Variants in DNAH14 observed in about 807,000 individuals in gnomAD.
DNAH14 encodes the protein dynein axonemal heavy chain 14.
Under a neutral mutation model 520.9 loss-of-function variants are expected in DNAH14, and 478 were observed. The observed-to-expected ratio is 0.92, with a 90% confidence interval of 0.85 to 0.99. DNAH14 has a LOEUF of 0.99. DNAH14 is among the 50% of genes least tolerant of loss of function. DNAH14 has a pLI of 0.00. For synonymous variants in DNAH14, 1,581 were observed against 1,757.2 expected, an observed-to-expected ratio of 0.90 and a Z score of 2.51; for missense variants, 4,831 against 5,234.5, an observed-to-expected ratio of 0.92 and a Z score of 2.38.
chr1:225,171,755 C>A (rs974819370), intron 36 of DNAH14, among the ~76,000 whole-genome samples: 2 of 152,160 alleles, frequency 1.3e-5, no homozygotes, highest in Non-Finnish European at 2.9e-5. Flanking sequence ...AGGGAATCCT[C>A]CCTAACTCAT....
intron 10 of DNAH14, 122 bp from the exon 11 acceptor site, chr1:225,023,493 T>C (rs967659624): frequency 1.4e-6 from 1 of 739,508 alleles, no homozygotes. Flanking sequence ...GCTTGAGGTA[T>C]TAAAATATCA....
intron 11 of DNAH14, among the ~76,000 whole-genome samples, chr1:225,033,022 T>C (rs1314328061): frequency 6.6e-6 from 1 of 152,182 alleles, no homozygotes; most frequent in East Asian, 1.9e-4. Flanking sequence ...CCCCATTATG[T>C]AGGTTGTCTG....
Position 225,051,528 on chromosome 1 carries a change from T to C in DNAH14, c.2157T>C (p.Cys719=). The change falls in exon 17 of 86, where the codon TGT becomes TGC. Residue 719 remains cysteine, a synonymous_variant. Coordinates refer to ENST00000682510, the MANE Select transcript of DNAH14 (RefSeq NM_001367479.1). ...ACAGCCACAAGTTTATAAAGTATTGTACCATGACAGAAAAGGCCAAAATCA... is the reference window on the plus strand; with the variant it reads ...ACAGCCACAAGTTTATAAAGTATTGCACCATGACAGAAAAGGCCAAAATCA... ...NAYSHKFIKY[C]TMTEKAKIMS... is the part of the protein sequence containing the mutation. The C allele has an allele frequency of 6.4e-7, 1 of 1,551,044 alleles. No individual in the cohort carries two copies. Among genetic ancestry groups the C allele is most frequent in the Non-Finnish European group, 8.7e-7 (1 of 1,146,684 alleles).
At chr1:225,344,757 C>A (rs1376638680) in intron 69 of DNAH14, among the ~76,000 whole-genome samples, 3 of 151,560 alleles carry the variant, frequency 2.0e-5, no homozygotes, top group African/African-American at 7.3e-5. Flanking sequence ...ACTCCATTGC[C>A]ACACTAGAGT....
intron 8 of DNAH14, among the ~76,000 whole-genome samples, chr1:224,985,383 A>G (rs376920650): frequency 2.0e-5 from 3 of 152,312 alleles, no homozygotes; most frequent in African/African-American, 7.2e-5. Context: ...TAAACATGGT[A>G]TGTTCTCACT....
chr1:225,340,536 GTAACA>G lies in DNAH14; in HGVS notation c.10515_10519del (p.Thr3506ProfsTer15), dbSNP rs1438844025. 1.3e-6 allele frequency: 2 copies of G among 1,551,248 alleles called. No homozygotes were observed. The highest frequency in any genetic ancestry group is 2.7e-5 in the African/African-American group (2 of 73,012). ...CTTTGTTACTATGATCAACTTCACT[GTAACA>G]TTCCAAGGTTTGCAAGATCAACTCT... is the stretch of plus-strand genomic sequence containing the variant. On this transcript the variant is annotated frameshift_variant, in exon 69 of 86. Transcript: ENST00000682510. LOFTEE classifies it high-confidence loss of function.
At chr1:224,977,238 A>G (rs1483446995) in intron 8 of DNAH14, among the ~76,000 whole-genome samples, 3 of 151,698 alleles carry the variant, frequency 2.0e-5, no homozygotes, top group Non-Finnish European at 4.4e-5. Flanking sequence ...TATCGCAAGA[A>G]CAGAAACCAA....
chr1:225,201,837 T>G (rs1211304384), intron 38 of DNAH14, among the ~76,000 whole-genome samples: 1 of 151,690 alleles, frequency 6.6e-6, no homozygotes, highest in Non-Finnish European at 1.5e-5. Context: ...TTTGTGCTTG[T>G]TGGCCTCCTG....
At chr1:225,121,189 T>C (rs1219097745) in intron 26 of DNAH14, among the ~76,000 whole-genome samples, 1 of 152,232 alleles carries the variant, frequency 6.6e-6, no homozygotes, top group African/African-American at 2.4e-5. Flanking sequence ...TTGATACATG[T>C]ACACAATGTA....
chr1:225,204,359 G>A, intron 39 of DNAH14, 86 bp downstream of exon 39: 1 of 773,170 alleles, frequency 1.3e-6, no homozygotes, highest in Non-Finnish European at 2.0e-6. Context: ...GTTTAAACAT[G>A]TTTTTTGACT....
intron 49 of DNAH14, among the ~76,000 whole-genome samples, chr1:225,267,673 C>T (rs1172992969): frequency 6.6e-6 from 1 of 152,032 alleles, no homozygotes; most frequent in African/African-American, 2.4e-5. Context: ...ATCATAAGCC[C>T]TATATTTCAG....
chr1:225,075,090 C>T (rs2072091245), intron 17 of DNAH14, among the ~76,000 whole-genome samples: 1 of 152,208 alleles, frequency 6.6e-6, no homozygotes, highest in Non-Finnish European at 1.5e-5. Context: ...TCTGCCAAGA[C>T]TCCATGTAGC....
chr1:225,093,926 G>C (rs2074646212), intron 21 of DNAH14, among the ~76,000 whole-genome samples: 2 of 151,910 alleles, frequency 1.3e-5, no homozygotes, highest in South Asian at 4.2e-4. Context: ...AGCAAACCAG[G>C]AAAGTGAAAT....
At chr1:225,385,859 C>T (rs1016945191) in intron 81 of DNAH14, among the ~76,000 whole-genome samples, 5 of 152,266 alleles carry the variant, frequency 3.3e-5, no homozygotes, top group African/African-American at 1.2e-4. Context: ...TGACTTTCTT[C>T]ACAGAATTGG....
intron 27 of DNAH14, among the ~76,000 whole-genome samples, chr1:225,124,054 C>G (rs2077498737): frequency 6.6e-6 from 1 of 152,056 alleles, no homozygotes; most frequent in African/African-American, 2.4e-5. Context: ...TGCCTGGCCT[C>G]CTGTAGTCTG....
At chr1:225,324,438 A>AGTTC in intron 63 of DNAH14, 85 bp downstream of exon 63, 2 of 1,487,320 alleles carry the variant, frequency 1.3e-6, no homozygotes, top group Non-Finnish European at 9.0e-7. Context: ...CCAATACTCA[A>AGTTC]ATGAACTTGA....
intron 5 of DNAH14, among the ~76,000 whole-genome samples, chr1:224,965,130 A>G (rs1216120917): frequency 6.6e-6 from 1 of 152,080 alleles, no homozygotes; most frequent in Non-Finnish European, 1.5e-5. Context: ...CAGAGGGTGA[A>G]AGCTATGGTA....
At chr1:225,181,323 T>C (rs755527719) in intron 36 of DNAH14, among the ~76,000 whole-genome samples, 19 of 152,190 alleles carry the variant, frequency 1.2e-4, no homozygotes, top group Non-Finnish European at 2.4e-4. Flanking sequence ...TAATGATTAA[T>C]TTTTCTTTGG....
chr1:225,194,484 A>G lies in DNAH14; in HGVS notation c.5886+1573A>G, dbSNP rs79075976. On this transcript the variant is annotated intron_variant, in intron 38 of 85. Coordinates refer to ENST00000682510, the MANE Select transcript of DNAH14 (RefSeq NM_001367479.1). ...TTGGGATACCTGGCTAGATGTATGC[A>G]GAAGATTGAAACTGGACCCCTTCCT... Among the ~76,000 whole-genome samples, 1,325 of 152,324 alleles carry G rather than the reference A, an allele frequency of 8.7e-3. 15 individuals carry two copies. The highest frequency in any genetic ancestry group is 0.013 in the Non-Finnish European group (853 of 68,026).
Sources: allele counts gnomAD v4.1 joint callset (sites outside exome capture counted in the v4.1 genomes callset), GRCh38; gene constraint gnomAD v4.1.1; transcripts MANE v1.5; gene names NCBI Gene and HGNC (gene_info 2026-07-23, HGNC 2026-07-21).